The following RIT2 variants were observed in gnomAD, a reference collection of about 807,000 sequenced individuals.
RIT2 encodes GTP-binding protein Rit2.
A neutral mutation model predicts 23.7 loss-of-function variants in RIT2; 24 were observed. The ratio of observed to expected loss-of-function variants is 1.01; its 90% CI spans 0.73 to 1.43. RIT2 has a LOEUF of 1.43. RIT2 is among the 40% of genes most tolerant of loss of function. The pLI, the probability that RIT2 is intolerant of heterozygous loss-of-function variation, is 0.00. For synonymous variants in RIT2, 107 were observed against 91.1 expected (o/e 1.17, Z -0.99); for missense variants, 236 against 266.9 (o/e 0.88, Z 0.81).
chr18:42,887,705 C>A (rs1232930725), intron 4 of RIT2, among the ~76,000 whole-genome samples: 1 of 152,168 alleles, frequency 6.6e-6, no homozygotes, highest in East Asian at 1.9e-4. Flanking sequence ...ACAAAGACTA[C>A]ACACAAATGT....
At chr18:43,073,765 G>A (rs1481955099) in intron 1 of RIT2, among the ~76,000 whole-genome samples, 1 of 152,008 alleles carries the variant, frequency 6.6e-6, no homozygotes, top group Non-Finnish European at 1.5e-5. Flanking sequence ...GGACATACCT[G>A]GTTTCCACTA....
chr18:43,096,492 T>C (rs961468499), intron 1 of RIT2, among the ~76,000 whole-genome samples: 2 of 151,870 alleles, frequency 1.3e-5, no homozygotes, highest in Admixed American at 1.3e-4. Context: ...GTATTTATAT[T>C]GCCTGTAACA....
At chr18:43,105,132 T>TGTGTGTGTTTG (rs1568083682) in intron 1 of RIT2, among the ~76,000 whole-genome samples, 214 of 87,842 alleles carry the variant, frequency 2.4e-3, no homozygotes, top group Middle Eastern at 0.011. Context: ...GTGTGTGTGT[T>TGTGTGTGTTTG]TGTGTGTGTG....
chr18:42,855,320 T>C (rs78670689), intron 4 of RIT2, among the ~76,000 whole-genome samples: 15,586 of 152,178 alleles, frequency 0.1, 950 homozygotes, highest in Middle Eastern at 0.24. Context: ...AGCATTACCA[T>C]TGTGAAATTT....
chr18:42,900,298 T>C lies in RIT2; in HGVS notation c.426+23274A>G, dbSNP rs1908441040. Among the ~76,000 whole-genome samples the C allele has an allele frequency of 2.6e-5, 4 of 152,054 alleles. No individual in the cohort carries two copies. In the South Asian group the frequency reaches 8.3e-4, roughly 32 times the overall value. ...ATAGACACTTAATGAGTTTTAAAATTAAAATAATGTCTCTGGGGCTTTTCA... is the reference window on the plus strand; with the variant it reads ...ATAGACACTTAATGAGTTTTAAAATCAAAATAATGTCTCTGGGGCTTTTCA... On this transcript the variant is annotated intron_variant, in intron 4 of 4. Transcript: ENST00000326695.
chr18:42,908,071 A>G (rs1330488341), intron 4 of RIT2, among the ~76,000 whole-genome samples: 1 of 151,942 alleles, frequency 6.6e-6, no homozygotes, highest in Non-Finnish European at 1.5e-5. Flanking sequence ...CATAAATAGA[A>G]TATATAAAAA....
intron 4 of RIT2, among the ~76,000 whole-genome samples, chr18:42,812,309 T>C (rs58072346): frequency 0.058 from 8,762 of 152,206 alleles, 781 homozygotes; most frequent in African/African-American, 0.19. Context: ...GGAGCTTCCC[T>C]CAGCTTGTGT....
Position 42,753,168 on chromosome 18 carries a change from C to T in RIT2, c.427-9448G>A, listed in dbSNP as rs565717279. 7.2e-5 allele frequency among the ~76,000 whole-genome samples: 11 copies of T among 152,276 alleles called. No individual in the cohort carries two copies. The East Asian group carries it at 1.4e-3, about 19-fold the overall frequency. ...GTCCAGCCCAGCTGCTAGTGGGAAG[C>T]GGCAAGCATCCTGGCCAATTAGACT... On this transcript the variant is annotated intron_variant, in intron 4 of 4. Transcript: ENST00000326695.
intron 1 of RIT2, among the ~76,000 whole-genome samples, chr18:43,069,973 A>G (rs1272916015): frequency 6.6e-6 from 1 of 152,106 alleles, no homozygotes; most frequent in Non-Finnish European, 1.5e-5. Context: ...ATTGTATCAT[A>G]TTGTAATATA....
intron 2 of RIT2, among the ~76,000 whole-genome samples, chr18:42,982,852 ATAT>A (rs904600206): frequency 1.5e-4 from 23 of 152,104 alleles, no homozygotes; most frequent in African/African-American, 4.6e-4. Flanking sequence ...ATTTAAATAA[ATAT>A]TATTTTTATA....
intron 4 of RIT2, among the ~76,000 whole-genome samples, chr18:42,882,778 T>C (rs574073100): frequency 5.4e-4 from 82 of 152,268 alleles, no homozygotes; most frequent in African/African-American, 1.8e-3. Flanking sequence ...AATGGAGCTC[T>C]ATTTGGATGA....
chr18:42,864,491 G>A (rs1474446713), intron 4 of RIT2, among the ~76,000 whole-genome samples: 2 of 152,154 alleles, frequency 1.3e-5, no homozygotes, highest in Admixed American at 6.5e-5. Context: ...TCTTTCATGG[G>A]AAATAGCCAG....
chr18:43,102,204 C>T (rs1397904018), intron 1 of RIT2, among the ~76,000 whole-genome samples: 2 of 151,964 alleles, frequency 1.3e-5, no homozygotes, highest in South Asian at 2.1e-4. Flanking sequence ...TGATTTTTAC[C>T]CTCCCAGGAA....
intron 1 of RIT2, among the ~76,000 whole-genome samples, chr18:43,054,217 C>A (rs1200808435): frequency 1.3e-5 from 2 of 151,978 alleles, no homozygotes; most frequent in Non-Finnish European, 2.9e-5. Context: ...GTATCAATAT[C>A]CTTTCTGATA....
At chr18:42,760,901 G>A (rs978849705) in intron 4 of RIT2, among the ~76,000 whole-genome samples, 2 of 152,162 alleles carry the variant, frequency 1.3e-5, no homozygotes, top group Non-Finnish European at 2.9e-5. Context: ...AGAGGGTAAG[G>A]TTGGGGACTC....
At chr18:42,919,152 T>G (rs1000811268) in intron 4 of RIT2, among the ~76,000 whole-genome samples, 17 of 152,164 alleles carry the variant, frequency 1.1e-4, no homozygotes, top group African/African-American at 4.1e-4. Flanking sequence ...AATAGATGCT[T>G]GATAGAACTC....
At chr18:42,993,284 T>C (rs914611709) in intron 2 of RIT2, among the ~76,000 whole-genome samples, 33 of 152,338 alleles carry the variant, frequency 2.2e-4, no homozygotes, top group African/African-American at 6.5e-4. Context: ...CCAGAGTCCC[T>C]GGAACTCTGG....
chr18:42,764,456 A>T (rs1321125282), intron 4 of RIT2, among the ~76,000 whole-genome samples: 1 of 152,176 alleles, frequency 6.6e-6, no homozygotes, highest in East Asian at 1.9e-4. Flanking sequence ...CTAGCTACGT[A>T]AAAGTACTTG....
chr18:42,863,979 G>A (rs143275466), intron 4 of RIT2, among the ~76,000 whole-genome samples: 92 of 151,378 alleles, frequency 6.1e-4, no homozygotes, highest in African/African-American at 2.1e-3. Flanking sequence ...ATATCATTAA[G>A]AAATTGTTCT....
Sources: gnomAD v4.1 joint callset for allele counts (sites outside exome capture counted in the v4.1 genomes callset) on GRCh38, gnomAD v4.1.1 for gene constraint, MANE v1.5 for transcripts, NCBI Gene and HGNC (gene_info 2026-07-23, HGNC 2026-07-21) for gene names.